NUP205: variants seen among roughly 807,000 people sequenced by gnomAD.
NUP205 encodes nucleoporin 205.
NUP205 carries 76 observed loss-of-function variants against 253.8 expected under a neutral mutation model. The ratio of observed to expected loss-of-function variants is 0.30; its 90% confidence interval spans 0.25 to 0.36. The LOEUF is 0.36. Among genes scored for constraint, NUP205 ranks in the 10% least tolerant of loss-of-function variants. The pLI, the probability that NUP205 is intolerant of heterozygous loss-of-function variation, is 1.00. For synonymous variants in NUP205, 832 were observed against 850.1 expected (o/e 0.98, Z 0.37); for missense variants, 2,162 against 2,425.5 (o/e 0.89, Z 2.28).
rs923963752 is a variant in NUP205 at position 135,616,643 on chromosome 7, A to G, written c.3461-12A>G. On this transcript the variant is annotated splice_polypyrimidine_tract_variant and intron_variant, in intron 24 of 42. Transcript: ENST00000285968. ...TTCTTTTTCTGATTCAATATTATTGATATTCCAACAGATGGTGAAGGAGGA... is the reference window on the plus strand; with the variant it reads ...TTCTTTTTCTGATTCAATATTATTGGTATTCCAACAGATGGTGAAGGAGGA... 8 of 1,498,594 alleles carry G rather than the reference A, an allele frequency of 5.3e-6. No individual in the cohort carries two copies. In the East Asian group the frequency reaches 1.9e-4, roughly 35 times the overall value. 92.8% of individuals were successfully genotyped at this position (1,498,594 alleles called of 1,614,324 possible).
rs758410592 is a variant in NUP205, at chr7:135,622,806, G to A, written c.4360G>A (p.Ala1454Thr). ...GAAAACCATGTGGGAAAGGCTGACAGCCCCTGAAGATGTATTTAGCAAATT... is the reference window on the plus strand; with the variant it reads ...GAAAACCATGTGGGAAAGGCTGACAACCCCTGAAGATGTATTTAGCAAATT... Reference protein sequence around the residue: ...AKKTMWERLTAPEDVFSKLQR... With the variant: ...AKKTMWERLTTPEDVFSKLQR... Residue 1454 changes from alanine (A) to threonine (T), a missense_variant, in exon 31 of 43, where the codon GCC becomes ACC. Physicochemically the swap from Ala to Thr is moderately conservative, Grantham distance 58. Around this residue, in one of 5 missense-constraint regions of NUP205, gnomAD observed 1,144 missense variants for 1,280.9 expected, o/e 0.89. Coordinates refer to ENST00000285968, the MANE Select transcript of NUP205 (RefSeq NM_015135.3). 3 of 1,613,900 alleles carry A rather than the reference G, an allele frequency of 1.9e-6. No homozygotes were observed. Among genetic ancestry groups the A allele is most frequent in the Admixed American group, 3.3e-5 (2 of 59,986 alleles).
intron 22 of NUP205, among the ~76,000 whole-genome samples, chr7:135,607,615 A>G (rs1794115802): frequency 6.6e-6 from 1 of 152,226 alleles, no homozygotes; most frequent in African/African-American, 2.4e-5. Flanking sequence ...GATTTTTACC[A>G]GTAGTGTAGA....
intron 2 of NUP205, among the ~76,000 whole-genome samples, chr7:135,572,713 C>T (rs1563111118): frequency 1.3e-5 from 2 of 152,154 alleles, no homozygotes; most frequent in African/African-American, 4.8e-5. Flanking sequence ...CGCCTGCCAC[C>T]ATGTCCAGCT....
At chr7:135,618,734 C>T (rs1319180257) in intron 28 of NUP205, 131 bp downstream of exon 28, 3 of 721,144 alleles carry the variant, frequency 4.2e-6, no homozygotes, top group Admixed American at 2.9e-5. Flanking sequence ...AACGTTAAGA[C>T]TTTCCTTGAG....
Position 135,630,371 on chromosome 7 carries a change from G to T in NUP205, c.4960G>T (p.Asp1654Tyr). ...ATTGCAGTTTCTTATTTCACATTCTGATACCATACAAGCAATTCTGCGCTG... is the reference window on the plus strand; with the variant it reads ...ATTGCAGTTTCTTATTTCACATTCTTATACCATACAAGCAATTCTGCGCTG... ...QVLQFLISHS[D>Y]TIQAILRCQD... The change falls in exon 35 of 43, where the codon GAT (aspartate) becomes TAT (tyrosine). Residue 1654 changes from aspartate (D) to tyrosine (Y), a missense_variant. Around this residue, in one of 5 missense-constraint regions of NUP205, gnomAD observed 1,144 missense variants for 1,280.9 expected, o/e 0.89. Transcript: ENST00000285968. 1 of 1,601,748 alleles carries T rather than the reference G, an allele frequency of 6.2e-7. No individual in the cohort carries two copies. The highest frequency in any genetic ancestry group is 1.1e-5 in the South Asian group (1 of 88,694).
chr7:135,561,464 A>C (rs1461952122), intron 1 of NUP205, among the ~76,000 whole-genome samples: 2 of 152,236 alleles, frequency 1.3e-5, no homozygotes, highest in East Asian at 1.9e-4. Flanking sequence ...GTGAATAAGC[A>C]ACTATTAACA....
rs1010092303 is a variant in NUP205 at position 135,637,919 on chromosome 7, T to G, written c.5137-12T>G. ...TTTAAATACATTTAACAAGATATCTTTTTCTTGTTAGCGCCAGTGCTTAGG... is the reference window on the plus strand; with the variant it reads ...TTTAAATACATTTAACAAGATATCTGTTTCTTGTTAGCGCCAGTGCTTAGG... On this transcript the variant is annotated splice_polypyrimidine_tract_variant and intron_variant, in intron 36 of 42. Coordinates refer to ENST00000285968, the MANE Select transcript of NUP205 (RefSeq NM_015135.3). 1 of 1,597,492 alleles carries G rather than the reference T, an allele frequency of 6.3e-7. No individual in the cohort carries two copies. The highest frequency in any genetic ancestry group is 8.5e-7 in the Non-Finnish European group (1 of 1,174,996).
intron 38 of NUP205, among the ~76,000 whole-genome samples, chr7:135,639,063 A>G (rs1163658754): frequency 6.6e-6 from 1 of 152,186 alleles, no homozygotes; most frequent in African/African-American, 2.4e-5. Flanking sequence ...TATAGCTCCA[A>G]ATTTCTATAA....
intron 35 of NUP205, among the ~76,000 whole-genome samples, chr7:135,631,875 G>C (rs1307507160): frequency 1.3e-5 from 2 of 151,544 alleles, no homozygotes; most frequent in African/African-American, 4.9e-5. Flanking sequence ...TCAGCCTCCC[G>C]AGCAGCTGGG....
chr7:135,567,272 A>T (rs1805809242), intron 1 of NUP205, among the ~76,000 whole-genome samples: 1 of 145,048 alleles, frequency 6.9e-6, no homozygotes, highest in Non-Finnish European at 1.5e-5. Context: ...CTCTCCCTGC[A>T]CATCTCCCTT....
intron 22 of NUP205, among the ~76,000 whole-genome samples, chr7:135,608,514 C>A (rs536617685): frequency 6.6e-6 from 1 of 151,822 alleles, no homozygotes; most frequent in African/African-American, 2.4e-5. Context: ...TGGAGACCAG[C>A]CGGGGAAACA....
intron 22 of NUP205, among the ~76,000 whole-genome samples, chr7:135,613,476 C>T (rs1056051419): frequency 7.3e-5 from 11 of 151,474 alleles, no homozygotes; most frequent in African/African-American, 2.7e-4. Context: ...TGAGATGTAA[C>T]TCTTATGGTT....
intron 1 of NUP205, among the ~76,000 whole-genome samples, chr7:135,568,258 GC>G (rs1347395031): frequency 6.6e-6 from 1 of 151,390 alleles, no homozygotes; most frequent in Non-Finnish European, 1.5e-5. Flanking sequence ...AATTTAGTGG[GC>G]CCCTCACCAA....
intron 32 of NUP205, among the ~76,000 whole-genome samples, chr7:135,625,634 A>G (rs571158314): frequency 6.6e-6 from 1 of 152,214 alleles, no homozygotes; most frequent in Non-Finnish European, 1.5e-5. Flanking sequence ...GGACAGAGCA[A>G]AATTGTCCTC....
intron 11 of NUP205, among the ~76,000 whole-genome samples, chr7:135,591,934 A>ATT (rs1383853621): frequency 2.0e-5 from 3 of 151,452 alleles, no homozygotes; most frequent in Non-Finnish European, 4.4e-5. Context: ...TTATCTTCGT[A>ATT]TTTTTTTTTC....
intron 7 of NUP205, among the ~76,000 whole-genome samples, chr7:135,579,249 C>T (rs539298732): frequency 3.9e-4 from 59 of 150,960 alleles, no homozygotes; most frequent in Middle Eastern, 6.9e-3. Flanking sequence ...GGCTGGAGTG[C>T]AATGGCACAG....
At chr7:135,647,051 C>T (rs1488364227) in intron 42 of NUP205, among the ~76,000 whole-genome samples, 1 of 152,220 alleles carries the variant, frequency 6.6e-6, no homozygotes, top group African/African-American at 2.4e-5. Flanking sequence ...TAGTACACAA[C>T]ACTGTGCTCT....
chr7:135,616,031 C>T lies in NUP205; in HGVS notation c.3426C>T (p.Leu1142=), dbSNP rs1169811817. The change falls in exon 24 of 43, where the codon CTC becomes CTT. Residue 1142 remains leucine (L), a synonymous_variant. Coordinates refer to ENST00000285968, the MANE Select transcript of NUP205 (RefSeq NM_015135.3). ...QRSHTQRLLH[L]LLDDMPVKPY... ...CACATACCCAGAGGCTCCTACACCT[C>T]TTACTGGATGACATGCCAGTGAAAC... The T allele has an allele frequency of 6.2e-7, 1 of 1,613,702 alleles. No homozygotes were observed. The highest frequency in any genetic ancestry group is 8.5e-7 in the Non-Finnish European group (1 of 1,179,740).
intron 19 of NUP205, among the ~76,000 whole-genome samples, chr7:135,605,170 G>T (rs1325187025): frequency 6.6e-6 from 1 of 151,988 alleles, no homozygotes; most frequent in African/African-American, 2.4e-5. Context: ...TCCTACAGGT[G>T]CATGCCACCA....
Sources: gnomAD v4.1 joint callset for allele counts (sites outside exome capture counted in the v4.1 genomes callset) on GRCh38, gnomAD v4.1.1 for gene constraint, gnomAD v4.1.1 regional missense constraint, MANE v1.5 for transcripts, NCBI Gene and HGNC (gene_info 2026-07-23, HGNC 2026-07-21) for gene names.